Variants in ADGRD1 observed in about 807,000 individuals in gnomAD.
ADGRD1 encodes the protein adhesion G protein-coupled receptor D1.
In ADGRD1, 77 loss-of-function variants were observed where a neutral mutation model predicts 113.4. That is an observed-to-expected ratio of 0.68 (90% CI 0.57 to 0.82). The LOEUF (loss-of-function observed/expected upper bound fraction) is 0.82. Among genes scored for constraint, ADGRD1 ranks in the 40% least tolerant of loss-of-function variants. ADGRD1 has a pLI of 0.00. For synonymous variants in ADGRD1, 474 were observed against 475.0 expected, an observed-to-expected ratio of 1.00 and a Z score of 0.03; for missense variants, 1,036 against 1,139.1, an observed-to-expected ratio of 0.91 and a Z score of 1.30.
intron 20 of ADGRD1, among the ~76,000 whole-genome samples, chr12:131,126,981 A>G (rs1039260691): frequency 2.6e-5 from 4 of 152,132 alleles, no homozygotes; most frequent in Non-Finnish European, 5.9e-5. Flanking sequence ...CTCGCAGCCA[A>G]AGTCCCCCAC....
At chr12:130,961,051 C>T (rs1415212300) in intron 2 of ADGRD1, among the ~76,000 whole-genome samples, 1 of 152,172 alleles carries the variant, frequency 6.6e-6, no homozygotes, top group East Asian at 1.9e-4. Context: ...TCGGCAGGGG[C>T]CGGCATTCCT....
In ADGRD1 at chr12:130,966,717, C is replaced by A; in HGVS notation, c.187+171C>A. The stretch of plus-strand genomic sequence containing the variant: ...AGGGCCATCGGGGAGCAGATGTGGA[C>A]ACAATCTGCTTTGAAGCCACGGTGA... On this transcript the variant is annotated intron_variant, in intron 3 of 24. Coordinates refer to ENST00000261654, the MANE Select transcript of ADGRD1 (RefSeq NM_198827.5). The surrounding 1 kb of genome is among the most constrained non-coding windows in gnomAD (Gnocchi z 4.6). The A allele has an allele frequency of 1.7e-6, 1 of 604,588 alleles. No homozygotes were observed. Among genetic ancestry groups the A allele is most frequent in the Non-Finnish European group, 3.0e-6 (1 of 336,240 alleles). 37.5% of individuals were successfully genotyped at this position (604,588 alleles called of 1,614,324 possible). A position where few individuals can be genotyped will look rare whatever the true frequency, so the allele number is the denominator to read the frequency against.
chr12:131,010,744 A>G (rs924205581), intron 12 of ADGRD1, among the ~76,000 whole-genome samples: 2 of 152,164 alleles, frequency 1.3e-5, no homozygotes, highest in Non-Finnish European at 2.9e-5. Flanking sequence ...CAAAGGTGCA[A>G]TCAGGAGTGG....
intron 4 of ADGRD1, chr12:130,973,212 G>C (rs960799944): frequency 6.6e-6 from 1 of 152,158 alleles, no homozygotes; most frequent in African/African-American, 2.4e-5. Flanking sequence ...TCTTCAGGTC[G>C]AACAGAGCCT....
chr12:131,110,046 G>C (rs1446186931), intron 18 of ADGRD1, among the ~76,000 whole-genome samples: 1 of 152,198 alleles, frequency 6.6e-6, no homozygotes, highest in African/African-American at 2.4e-5. Flanking sequence ...TGTTTGCAGA[G>C]CATATATATT....
At chr12:131,019,095 T>C (rs944713083) in intron 13 of ADGRD1, among the ~76,000 whole-genome samples, 1 of 152,236 alleles carries the variant, frequency 6.6e-6, no homozygotes, top group African/African-American at 2.4e-5. Flanking sequence ...TTTTTAACAT[T>C]GTTTGCTCCC....
At chr12:130,989,298 A>C (rs1417072492) in intron 6 of ADGRD1, 1 of 152,242 alleles carries the variant, frequency 6.6e-6, no homozygotes, top group Admixed American at 6.5e-5. Context: ...GTAACACTGG[A>C]AAGAGGTGCC....
intron 13 of ADGRD1, among the ~76,000 whole-genome samples, chr12:131,033,743 C>A (rs1482515062): frequency 4.6e-5 from 7 of 152,168 alleles, no homozygotes; most frequent in Non-Finnish European, 1.0e-4. Flanking sequence ...GGAGCAGGTG[C>A]CCAACCAGGG....
intron 21 of ADGRD1, among the ~76,000 whole-genome samples, chr12:131,134,341 A>G (rs1044198665): frequency 3.3e-5 from 5 of 152,242 alleles, no homozygotes; most frequent in South Asian, 2.1e-4. Context: ...GCTTTTGACC[A>G]GGGACACTGA....
intron 13 of ADGRD1, among the ~76,000 whole-genome samples, chr12:131,067,271 G>C (rs1884796907): frequency 6.6e-6 from 1 of 152,216 alleles, no homozygotes; most frequent in Non-Finnish European, 1.5e-5. Context: ...TGGTGGTAGA[G>C]CTGGAGCTAG....
chr12:131,128,194 T>C (rs1361774933), intron 20 of ADGRD1, among the ~76,000 whole-genome samples: 10 of 131,140 alleles, frequency 7.6e-5, no homozygotes, highest in African/African-American at 2.3e-4. Flanking sequence ...TGTGATGGGA[T>C]TCTGAGCTCA....
chr12:130,964,921 A>G (rs374088190), intron 2 of ADGRD1, among the ~76,000 whole-genome samples: 3 of 152,106 alleles, frequency 2.0e-5, no homozygotes, highest in African/African-American at 7.2e-5. Flanking sequence ...TATAAACTCC[A>G]TAATCAGATA....
At chr12:130,992,614 G>T in intron 8 of ADGRD1, 1 of 457,264 alleles carries the variant, frequency 2.2e-6, no homozygotes, top group Non-Finnish European at 3.8e-6. Flanking sequence ...TCTTTGCTGT[G>T]GTTTCCCAAT....
chr12:131,014,518 G>T (rs1292362047), intron 13 of ADGRD1, among the ~76,000 whole-genome samples, 178 bp downstream of exon 13: 1 of 152,234 alleles, frequency 6.6e-6, no homozygotes, highest in African/African-American at 2.4e-5. Context: ...GCTGCAGTGG[G>T]AGGCCCCTCG....
intron 20 of ADGRD1, among the ~76,000 whole-genome samples, 193 bp downstream of exon 20, chr12:131,121,106 C>T (rs533144802): frequency 6.6e-6 from 1 of 152,312 alleles, no homozygotes; most frequent in African/African-American, 2.4e-5. Context: ...CTCAGGAAGG[C>T]GGTGCTTTCC....
chr12:131,110,015 C>A (rs1207693378), intron 18 of ADGRD1, among the ~76,000 whole-genome samples: 4 of 152,222 alleles, frequency 2.6e-5, no homozygotes, highest in Admixed American at 2.6e-4. Context: ...AGTAGACTCG[C>A]TCCAGCTTTC....
At chr12:131,002,948 G>T (rs1876577987) in intron 9 of ADGRD1, 2 of 734,010 alleles carry the variant, frequency 2.7e-6, no homozygotes, top group Non-Finnish European at 4.4e-6. Context: ...AAATGCAGGA[G>T]CCGGCGATGG....
chr12:131,084,544 G>C lies in ADGRD1; in HGVS notation c.1552G>C (p.Gly518Arg), dbSNP rs779213107. The change falls in exon 15 of 25, where the codon GGA becomes CGA. Residue 518 changes from glycine to arginine, a missense_variant. Physicochemically the swap from Gly to Arg is moderately radical, Grantham distance 125 (BLOSUM62 -2). Transcript: ENST00000261654. This position sits in a 1 kb window ranked among gnomAD's most constrained non-coding sequence, Gnocchi z 4.5. ...VYCAFLDFSSGEGVWSNHGCA... is the reference protein window; with the variant it reads ...VYCAFLDFSSREGVWSNHGCA... ...TCCTTTCTCCTGTGTCCTCAGCTCC[G>C]GAGAAGGGGTCTGGTCGAACCACGG... 1.2e-6 allele frequency: 2 copies of C among 1,614,092 alleles called. No individual in the cohort carries two copies. Among genetic ancestry groups the C allele is most frequent in the South Asian group, 2.2e-5 (2 of 91,080 alleles).
At chr12:131,074,573 A>C (rs1885431807) in intron 13 of ADGRD1, among the ~76,000 whole-genome samples, 1 of 152,160 alleles carries the variant, frequency 6.6e-6, no homozygotes, top group Non-Finnish European at 1.5e-5. Flanking sequence ...TGGGGCCTGT[A>C]TGCAGATGAC....
Sources: allele counts gnomAD v4.1 joint callset (sites outside exome capture counted in the v4.1 genomes callset), GRCh38; gene constraint gnomAD v4.1.1; non-coding constraint Gnocchi (gnomAD v3.1); transcripts MANE v1.5; gene names NCBI Gene and HGNC (gene_info 2026-07-23, HGNC 2026-07-21).